SH2D4B: variants seen among roughly 807,000 people sequenced by gnomAD.
SH2D4B encodes the protein SH2 domain containing 4B, also known as SH2 domain-containing protein 4B.
A neutral mutation model predicts 61.5 loss-of-function variants in SH2D4B; 45 were observed. The observed-to-expected ratio is 0.73, with a 90% CI of 0.58 to 0.94. The LOEUF is 0.94. Among genes scored for constraint, SH2D4B ranks in the 40% least tolerant of loss-of-function variants. The probability of loss-of-function intolerance (pLI) is 0.00; values close to 1 mark genes in which losing one functional copy is unlikely to be tolerated. For missense variants in SH2D4B, 572 were observed against 574.2 expected, an observed-to-expected ratio of 1.00 and a Z score of 0.04; for synonymous variants, 224 against 220.4, an observed-to-expected ratio of 1.02 and a Z score of -0.14.
intron 3 of SH2D4B, among the ~76,000 whole-genome samples, chr10:80,580,226 T>C (rs939580472): frequency 6.6e-6 from 1 of 152,204 alleles, no homozygotes; most frequent in Non-Finnish European, 1.5e-5. Context: ...TTTGACAGGC[T>C]GGGAAGCCCA....
intron 5 of SH2D4B, among the ~76,000 whole-genome samples, chr10:80,604,117 A>G (rs1842487379): frequency 6.6e-6 from 1 of 152,156 alleles, no homozygotes; most frequent in Admixed American, 6.5e-5. Context: ...ACAATTTGAG[A>G]CTCTAAGGGC....
intron 1 of SH2D4B, chr10:80,540,997 T>C (rs1385774952): frequency 8.8e-7 from 1 of 1,138,544 alleles, no homozygotes; most frequent in Non-Finnish European, 1.3e-6. Flanking sequence ...AACTCGGGAA[T>C]GAGTCAGAAT....
At chr10:80,559,637 ATT>A (rs773552620) in intron 1 of SH2D4B, among the ~76,000 whole-genome samples, 15 of 129,878 alleles carry the variant, frequency 1.2e-4, no homozygotes, top group African/African-American at 1.4e-4. Flanking sequence ...GTGGTCCTGC[ATT>A]TTTTTTTTTT....
chr10:80,587,048 T>G (rs1288044514), intron 3 of SH2D4B, among the ~76,000 whole-genome samples: 1 of 151,008 alleles, frequency 6.6e-6, no homozygotes, highest in Non-Finnish European at 1.5e-5. Context: ...ATGCCACATT[T>G]AAGAACTGTA....
chr10:80,555,004 A>G (rs1293000321), intron 1 of SH2D4B, among the ~76,000 whole-genome samples: 6 of 80,896 alleles, frequency 7.4e-5, no homozygotes, highest in African/African-American at 2.3e-4. Context: ...GCGAGTCTCA[A>G]AAAAAAAAAA....
chr10:80,601,785 C>T lies in SH2D4B; in HGVS notation c.644-1794C>T, dbSNP rs148157915. Among the ~76,000 whole-genome samples the T allele has an allele frequency of 3.9e-5, 6 of 152,304 alleles. No individual in the cohort carries two copies. In the East Asian group the frequency reaches 5.8e-4, roughly 15 times the overall value. On this transcript the variant is annotated intron_variant, in intron 4 of 7. Coordinates refer to ENST00000646907, the MANE Select transcript of SH2D4B (RefSeq NM_001388272.1). ...CAGGAACAGGTCTACTGACCTTTAT[C>T]CTGCAAATACTCACAGTGCAGTTCT...
intron 4 of SH2D4B, among the ~76,000 whole-genome samples, chr10:80,590,530 A>G (rs1028742573): frequency 6.6e-5 from 10 of 152,156 alleles, no homozygotes; most frequent in Non-Finnish European, 1.5e-4. Context: ...TCCAAAGGCT[A>G]GTGACGCGAT....
At chr10:80,569,733 C>T (rs1842015390) in intron 1 of SH2D4B, among the ~76,000 whole-genome samples, 1 of 152,140 alleles carries the variant, frequency 6.6e-6, no homozygotes, top group Non-Finnish European at 1.5e-5. Context: ...ATCATCCTTG[C>T]TTTACAGTTA....
chr10:80,546,372 T>C (rs1213274800), intron 1 of SH2D4B, among the ~76,000 whole-genome samples: 6 of 152,072 alleles, frequency 3.9e-5, no homozygotes, highest in Non-Finnish European at 8.8e-5. Flanking sequence ...ATTTCTTGTT[T>C]TAGGATTTGA....
At chr10:80,614,297 G>A (rs1222760258) in intron 6 of SH2D4B, among the ~76,000 whole-genome samples, 2 of 152,228 alleles carry the variant, frequency 1.3e-5, no homozygotes, top group African/African-American at 2.4e-5. Context: ...GGCAGAAGGC[G>A]AAGCTGGAGC....
chr10:80,586,528 C>T (rs1349924942), intron 3 of SH2D4B, among the ~76,000 whole-genome samples: 1 of 152,102 alleles, frequency 6.6e-6, no homozygotes, highest in Admixed American at 6.5e-5. Context: ...ACCTTTGTGT[C>T]CACACTCTGT....
chr10:80,633,050 G>A (rs1162763880), intron 6 of SH2D4B, among the ~76,000 whole-genome samples: 8 of 152,082 alleles, frequency 5.3e-5, no homozygotes, highest in South Asian at 2.1e-4. Flanking sequence ...TGTGTCCTAT[G>A]CCTTGGGCAC....
At chr10:80,558,990 AG>A (rs1169169288) in intron 1 of SH2D4B, among the ~76,000 whole-genome samples, 21 of 152,342 alleles carry the variant, frequency 1.4e-4, no homozygotes, top group African/African-American at 5.0e-4. Flanking sequence ...AAGATAGAGT[AG>A]CACATAATAT....
chr10:80,607,836 G>A (rs1484597443), intron 5 of SH2D4B, among the ~76,000 whole-genome samples: 1 of 152,172 alleles, frequency 6.6e-6, no homozygotes, highest in African/African-American at 2.4e-5. Context: ...TCACTCAGTT[G>A]GAAATGGCGA....
At chr10:80,630,077 C>T (rs866899132) in intron 6 of SH2D4B, among the ~76,000 whole-genome samples, 4 of 152,144 alleles carry the variant, frequency 2.6e-5, no homozygotes, top group African/African-American at 7.2e-5. Context: ...CTTCAGAACA[C>T]GGTACACATC....
chr10:80,543,489 C>T (rs1437729149), intron 1 of SH2D4B, among the ~76,000 whole-genome samples: 1 of 152,220 alleles, frequency 6.6e-6, no homozygotes, highest in Non-Finnish European at 1.5e-5. Context: ...ATGCCTAAGC[C>T]TACCCCCTGC....
At chr10:80,562,887 A>ATTTT (rs1223682186) in intron 1 of SH2D4B, among the ~76,000 whole-genome samples, 4 of 122,150 alleles carry the variant, frequency 3.3e-5, no homozygotes, top group Non-Finnish European at 3.4e-5. Context: ...GATGCTGAAC[A>ATTTT]TTTTTTCTTT....
intron 1 of SH2D4B, among the ~76,000 whole-genome samples, chr10:80,552,364 G>C (rs1333281135): frequency 1.3e-5 from 2 of 152,144 alleles, no homozygotes; most frequent in Non-Finnish European, 2.9e-5. Context: ...ATGGAGGGAG[G>C]TGCCTCTCCT....
rs751317924 is a variant in SH2D4B at position 80,603,761 on chromosome 10, C to A, written c.826C>A (p.Pro276Thr). 1.3e-5 allele frequency: 21 copies of A among 1,612,024 alleles called. No homozygotes were observed. The South Asian group carries it at 2.3e-4, about 18-fold the overall frequency. ...EARLYHHLPD[P>T]GLPQPLALPV... ...AAGACTCTACCACCACCTCCCCGAC[C>A]CGGGTCTGCCGCAGCCCCTTGCCCT... Residue 276 changes from proline to threonine, a missense_variant, in exon 5 of 8, where the codon CCG (proline) becomes ACG (threonine). Coordinates refer to ENST00000646907, the MANE Select transcript of SH2D4B (RefSeq NM_001388272.1).
Sources: allele counts gnomAD v4.1 joint callset (sites outside exome capture counted in the v4.1 genomes callset), GRCh38; gene constraint gnomAD v4.1.1; transcripts MANE v1.5; gene names NCBI Gene and HGNC (gene_info 2026-07-23, HGNC 2026-07-21).